TNS3: variants seen among roughly 807,000 people sequenced by gnomAD.
The protein encoded by TNS3 is tensin-3.
In TNS3, 45 loss-of-function variants were observed where a neutral mutation model predicts 140.9. The observed-to-expected ratio is 0.32, with a 90% CI of 0.25 to 0.41. The LOEUF (loss-of-function observed/expected upper bound fraction) is 0.41, where lower values mean the gene tolerates loss of function less well. TNS3 is among the 10% of genes least tolerant of loss of function. TNS3 has a pLI of 1.00. For missense variants in TNS3, 1,716 were observed against 1,906.7 expected (o/e 0.90, Z 1.86); for synonymous variants, 815 against 788.4 (o/e 1.03, Z -0.56).
At chr7:47,341,375 T>C (rs1162559776) in intron 20 of TNS3, among the ~76,000 whole-genome samples, 1 of 152,222 alleles carries the variant, frequency 6.6e-6, no homozygotes, top group East Asian at 1.9e-4. Flanking sequence ...GATTTCTTTT[T>C]TGGGAGATTA....
At chr7:47,432,845 C>A (rs948408842) in intron 8 of TNS3, among the ~76,000 whole-genome samples, 1 of 152,188 alleles carries the variant, frequency 6.6e-6, no homozygotes, top group African/African-American at 2.4e-5. Context: ...CACAAGAGGG[C>A]ACGATAGGCT....
In TNS3 at chr7:47,494,849, G is replaced by C. The variant is rs556434329; in HGVS notation, c.-115+12058C>G. Reference sequence around the variant, plus strand: ...CCTAAAATTAACTGCTTTACAAAAGGGGGGAAGGGGAAACCCATGGTGAAA... The same window carrying C: ...CCTAAAATTAACTGCTTTACAAAAGCGGGGAAGGGGAAACCCATGGTGAAA... On this transcript the variant is annotated intron_variant, in intron 3 of 30. Coordinates refer to ENST00000311160, the MANE Select transcript of TNS3 (RefSeq NM_022748.12). Among the ~76,000 whole-genome samples, 68 of 152,252 alleles carry C rather than the reference G, an allele frequency of 4.5e-4. 2 individuals carry two copies. The South Asian group carries it at 0.014, about 31-fold the overall frequency.
intron 27 of TNS3, among the ~76,000 whole-genome samples, chr7:47,286,795 G>A (rs1220740033): frequency 1.3e-5 from 2 of 152,100 alleles, no homozygotes; most frequent in African/African-American, 2.4e-5. Flanking sequence ...TTATATGATG[G>A]ACTATTGTGT....
intron 13 of TNS3, among the ~76,000 whole-genome samples, chr7:47,408,172 G>A (rs1254437857): frequency 6.6e-6 from 1 of 152,108 alleles, no homozygotes; most frequent in Non-Finnish European, 1.5e-5. Flanking sequence ...CACTCCCAAG[G>A]GCTGCAGGTG....
At chr7:47,396,717 T>G in intron 16 of TNS3, 83 bp downstream of exon 16, 1 of 1,194,806 alleles carries the variant, frequency 8.4e-7, no homozygotes, top group South Asian at 1.2e-5. Context: ...CTTAGCAGAC[T>G]GCAAAATACT....
At chr7:47,526,679 G>A (rs896442659) in intron 2 of TNS3, among the ~76,000 whole-genome samples, 25 of 152,178 alleles carry the variant, frequency 1.6e-4, no homozygotes, top group African/African-American at 5.6e-4. Flanking sequence ...AACTTTGCCT[G>A]GGACGTCATC....
At chr7:47,516,829 G>A (rs1322379790) in intron 2 of TNS3, among the ~76,000 whole-genome samples, 2 of 152,142 alleles carry the variant, frequency 1.3e-5, no homozygotes, top group Non-Finnish European at 2.9e-5. Context: ...TTGGGAGGCC[G>A]AGGTGGGTGG....
chr7:47,389,358 G>T (rs1792375620), intron 16 of TNS3, among the ~76,000 whole-genome samples: 1 of 152,098 alleles, frequency 6.6e-6, no homozygotes, highest in Admixed American at 6.5e-5. Context: ...GCCGACTGGG[G>T]GTTGGGAGGA....
chr7:47,548,034 C>A (rs547241199), intron 1 of TNS3, among the ~76,000 whole-genome samples: 2 of 152,258 alleles, frequency 1.3e-5, no homozygotes, highest in African/African-American at 4.8e-5. Context: ...CCAAGTAGCT[C>A]GGACTACAGG....
At chr7:47,371,205 G>A (rs2151164227) in intron 16 of TNS3, among the ~76,000 whole-genome samples, 1 of 152,322 alleles carries the variant, frequency 6.6e-6, no homozygotes, top group African/African-American at 2.4e-5. Context: ...TCAAGGCAGG[G>A]AAAGTGATGA....
intron 4 of TNS3, among the ~76,000 whole-genome samples, chr7:47,467,779 T>G (rs555337554): frequency 1.2e-3 from 180 of 152,256 alleles, no homozygotes; most frequent in African/African-American, 3.9e-3. Context: ...AACAGAAGGT[T>G]AGAAAACAAG....
At chr7:47,429,054 CA>C (rs1315207302) in intron 8 of TNS3, among the ~76,000 whole-genome samples, 2 of 152,208 alleles carry the variant, frequency 1.3e-5, no homozygotes, top group Admixed American at 1.3e-4. Context: ...CATACTCTTA[CA>C]ACCTACAACA....
intron 28 of TNS3, 26 bp from the exon 29 acceptor site, chr7:47,280,380 T>A (rs775435969): frequency 1.9e-6 from 3 of 1,611,782 alleles, no homozygotes; most frequent in Non-Finnish European, 2.5e-6. Flanking sequence ...GGAGAGAGGA[T>A]GGCTCCTGTT....
At chr7:47,294,163 C>CTCTTTCTTAGCT (rs113594221) in intron 24 of TNS3, among the ~76,000 whole-genome samples, 1,752 of 152,290 alleles carry the variant, frequency 0.012, 17 homozygotes, top group African/African-American at 0.026. Context: ...GAAAGAGGAT[C>CTCTTTCTTAGCT]ATGAATCTCC....
chr7:47,533,017 C>T (rs1467268878), intron 1 of TNS3, among the ~76,000 whole-genome samples: 3 of 148,306 alleles, frequency 2.0e-5, no homozygotes, highest in African/African-American at 7.5e-5. Flanking sequence ...AGCAGTATGA[C>T]AGATTCAAAC....
chr7:47,292,122 C>A (rs1785741732), intron 26 of TNS3, 90 bp from the exon 27 acceptor site: 1 of 1,301,536 alleles, frequency 7.7e-7, no homozygotes, highest in Non-Finnish European at 1.1e-6. Flanking sequence ...TGACAGAATT[C>A]CCAGATGGTG....
In TNS3 at chr7:47,453,032, A is replaced by G. The variant is rs6463416; in HGVS notation, c.-75-10977T>C. 1.5e-3 allele frequency: 1,520 copies of G among 985,166 alleles called. 19 individuals carry two copies. The African/African-American group carries it at 0.025, about 16-fold the overall frequency. 61.0% of individuals were successfully genotyped at this position (985,166 alleles called of 1,614,324 possible). A position where few individuals can be genotyped will look rare whatever the true frequency, so the allele number is the denominator to read the frequency against. On this transcript the variant is annotated intron_variant, in intron 4 of 30. Transcript: ENST00000311160. ...TCCTTCCCCTGCTTTAGTCAAGCAC[A>G]CCCCTCTTCGTGTTAATGTCTCGGC...
chr7:47,500,276 G>A (rs1478527032), intron 3 of TNS3, among the ~76,000 whole-genome samples: 1 of 152,210 alleles, frequency 6.6e-6, no homozygotes, highest in Non-Finnish European at 1.5e-5. Context: ...TGAACTGGCT[G>A]GCTTAAAAAT....
chr7:47,498,076 G>A (rs1021860777), intron 3 of TNS3, among the ~76,000 whole-genome samples: 3 of 152,170 alleles, frequency 2.0e-5, no homozygotes, highest in Admixed American at 6.5e-5. Flanking sequence ...CCAACAGCAC[G>A]CTTGTCCAAA....
Sources: allele counts gnomAD v4.1 joint callset (sites outside exome capture counted in the v4.1 genomes callset), GRCh38; gene constraint gnomAD v4.1.1; transcripts MANE v1.5; gene names NCBI Gene and HGNC (gene_info 2026-07-23, HGNC 2026-07-21).